The following YBX2 variants were observed in gnomAD, a reference collection of about 807,000 sequenced individuals.
YBX2 encodes the protein Y-box-binding protein 2.
A neutral mutation model predicts 44.4 loss-of-function variants in YBX2; 5 were observed. That is an observed-to-expected ratio of 0.11 (90% CI 0.06 to 0.24). YBX2 has a LOEUF of 0.24. Ranked by LOEUF, YBX2 falls within the 10% of genes least tolerant of loss-of-function variation. The pLI is 1.00. For missense variants in YBX2, 417 were observed against 526.9 expected, an observed-to-expected ratio of 0.79 and a Z score of 2.04; for synonymous variants, 188 against 216.1, an observed-to-expected ratio of 0.87 and a Z score of 1.14.
chr17:7,289,775 A>G (rs2072486189), intron 6 of YBX2, 50 bp from the exon 7 acceptor site: 1 of 1,608,448 alleles, frequency 6.2e-7, no homozygotes. Flanking sequence ...CTCCCTCCCC[A>G]GGGCTCACCC....
rs1597604035 is a variant in YBX2, at chr17:7,291,430, C to T, written c.370-248G>A. The T allele has an allele frequency of 5.5e-6, 3 of 546,944 alleles. No homozygotes were observed. The highest frequency in any genetic ancestry group is 1.9e-5 in the African/African-American group (1 of 52,640). 33.9% of individuals were successfully genotyped at this position (546,944 alleles called of 1,614,324 possible). A position where few individuals can be genotyped will look rare whatever the true frequency, so the allele number is the denominator to read the frequency against. The stretch of plus-strand genomic sequence containing the variant: ...ACCTCCCCTCCCGCCCCGCTTTACC[C>T]CTCAGGGATTTCAGAAAGGGAGGCA... On this transcript the variant is annotated intron_variant, in intron 3 of 8. Transcript: ENST00000007699. This position sits in a 1 kb window ranked among gnomAD's most constrained non-coding sequence, Gnocchi z 5.8.
rs1375338762 is a variant in YBX2, at chr17:7,290,500, T to G, written c.495A>C (p.Gly165=). The part of the protein sequence containing the change: ...AEATNVTGPG[G]VPVKGSRYAP... ...CATAACGGCTGCCCTTCACGGGTAC[T>G]CCCCCAGGCCCAGTTACATTAGTGG... Residue 165 remains glycine, a synonymous_variant, in exon 5 of 9, where the codon GGA becomes GGC. Transcript: ENST00000007699. 2 of 1,612,356 alleles carry G rather than the reference T, an allele frequency of 1.2e-6. No homozygotes were observed. Among genetic ancestry groups the G allele is most frequent in the Admixed American group, 1.7e-5 (1 of 59,906 alleles).
At chr17:7,293,597 C>T in intron 1 of YBX2, 59 bp from the exon 2 acceptor site, 2 of 1,613,098 alleles carry the variant, frequency 1.2e-6, no homozygotes, top group South Asian at 1.1e-5. Context: ...GAGTTGAACT[C>T]AGTTTTGAGA....
In YBX2 at chr17:7,294,260, C is replaced by T; in HGVS notation, c.241G>A (p.Ala81Thr). 1 of 1,273,570 alleles carries T rather than the reference C, an allele frequency of 7.9e-7. No individual in the cohort carries two copies. Among genetic ancestry groups the T allele is most frequent in the Middle Eastern group, 3.0e-4 (1 of 3,328 alleles). The allele number at this position is 1,273,570 out of a possible 1,614,324, so 78.9% of individuals were successfully genotyped here. Reference protein sequence around the residue: ...TAVSGTPAPPARSQADKPVLA... With the variant: ...TAVSGTPAPPTRSQADKPVLA... ...ACCGGCTTGTCCGCCTGACTCCGGG[C>T]CGGGGGGGCGGGGGTTCCCGAGACC... Residue 81 changes from alanine (A) to threonine (T), a missense_variant, in exon 1 of 9, where the codon GCC (alanine) becomes ACC (threonine). By Grantham distance (58) the Ala-to-Thr change is moderately conservative (BLOSUM62 0). This residue lies in a region of YBX2 where 121 missense variants were observed against 141.3 expected (regional missense o/e 0.86). Transcript: ENST00000007699. This position sits in a 1 kb window ranked among gnomAD's most constrained non-coding sequence, Gnocchi z 4.6.
rs3833134 is a variant in YBX2, at chr17:7,289,736, GA to G, written c.849-12del. The G allele has an allele frequency of 0.68, 1,101,413 of 1,612,702 alleles. 386,390 individuals carry two copies. The highest frequency in any genetic ancestry group is 0.73 in the Non-Finnish European group (859,916 of 1,179,596). On this transcript the variant is annotated splice_polypyrimidine_tract_variant and intron_variant, in intron 6 of 8. Transcript: ENST00000007699. ...CTGGGGCGGAAAGGCCTAAGGCAAG[GA>G]ACAAGGCTCTGAGGGGACCAGGGAA...
intron 1 of YBX2, chr17:7,293,867 T>C (rs540357201): frequency 7.6e-6 from 4 of 524,558 alleles, no homozygotes; most frequent in South Asian, 6.9e-5. Flanking sequence ...TAACTGAGGG[T>C]TTTTCTAGCC....
chr17:7,294,199 C>T lies in YBX2; in HGVS notation c.271+31G>A. On this transcript the variant is annotated intron_variant, in intron 1 of 8. Coordinates refer to ENST00000007699, the MANE Select transcript of YBX2 (RefSeq NM_015982.4). This position sits in a 1 kb window ranked among gnomAD's most constrained non-coding sequence, Gnocchi z 4.6. Reference sequence around the variant, plus strand: ...CCCCTCCCCCAGCCCGCCGACCCCTCAGAGCCGCCCTGTGCGCGCCTGCCC... The same window carrying T: ...CCCCTCCCCCAGCCCGCCGACCCCTTAGAGCCGCCCTGTGCGCGCCTGCCC... 7.9e-7 allele frequency: 1 copy of T among 1,258,218 alleles called. No individual in the cohort carries two copies. Among genetic ancestry groups the T allele is most frequent in the Non-Finnish European group, 9.9e-7 (1 of 1,005,952 alleles). The allele number at this position is 1,258,218 out of a possible 1,614,324, so 77.9% of individuals were successfully genotyped here.
chr17:7,293,813 G>C, intron 1 of YBX2: 1 of 608,796 alleles, frequency 1.6e-6, no homozygotes, highest in Admixed American at 3.1e-5. Context: ...CCTTCACCTA[G>C]AACTGGGTAC....
At chr17:7,289,079 C>A (rs1020173075) in intron 7 of YBX2, among the ~76,000 whole-genome samples, 1 of 152,144 alleles carries the variant, frequency 6.6e-6, no homozygotes. Flanking sequence ...TCAGGCTGGT[C>A]TTGAACTCCT....
At position 7,294,062 on chromosome 17, in the gene YBX2, G is replaced by C; in HGVS notation, c.271+168C>G. 2 of 789,582 alleles carry C rather than the reference G, an allele frequency of 2.5e-6. No homozygotes were observed. Among genetic ancestry groups the C allele is most frequent in the South Asian group, 1.1e-4 (2 of 18,184 alleles). The allele number at this position is 789,582 out of a possible 1,614,324, so 48.9% of individuals were successfully genotyped here. The stretch of plus-strand genomic sequence containing the variant: ...CCTCTCTCCCAGGAAGGTACGGCAG[G>C]ATTTCCCACCAGGGGAATCCACTTT... On this transcript the variant is annotated intron_variant, in intron 1 of 8. Coordinates refer to ENST00000007699, the MANE Select transcript of YBX2 (RefSeq NM_015982.4). This position sits in a 1 kb window ranked among gnomAD's most constrained non-coding sequence, Gnocchi z 4.6.
rs1379622761 is a variant in YBX2, at chr17:7,294,539, CG to C, written c.-40del. On this transcript the variant is annotated 5_prime_UTR_variant, in exon 1 of 9. Transcript: ENST00000007699. This position sits in a 1 kb window ranked among gnomAD's most constrained non-coding sequence, Gnocchi z 4.6. Reference sequence around the variant, plus strand: ...GTACCGGCCACAGCCGCCACCGCCCCGGCCCCTCCCCCCGGCTCGCGAACCC... The same window carrying C: ...GTACCGGCCACAGCCGCCACCGCCCCGCCCCTCCCCCCGGCTCGCGAACCC... 1.4e-6 allele frequency: 2 copies of C among 1,420,728 alleles called. No homozygotes were observed. The highest frequency in any genetic ancestry group is 5.1e-5 in the Admixed American group (2 of 39,240). 88.0% of individuals were successfully genotyped at this position (1,420,728 alleles called of 1,614,324 possible). A position where few individuals can be genotyped will look rare whatever the true frequency, so the allele number is the denominator to read the frequency against.
At chr17:7,290,093 G>A (rs774556964) in intron 5 of YBX2, 22 bp from the exon 6 acceptor site, 39 of 1,613,450 alleles carry the variant, frequency 2.4e-5, no homozygotes, top group Middle Eastern at 1.7e-4. Flanking sequence ...CAAAGGCCCC[G>A]GTGAGCTGTG....
chr17:7,290,530 T>G lies in YBX2; in HGVS notation c.465A>C (p.Ala155=). The stretch of plus-strand genomic sequence containing the variant: ...CAGGCCCAGTTACATTAGTGGCTTC[T>G]GCGCCCTGGGAAGGTGGTAAGGGAA... ...EFDVVEGEKG[A]EATNVTGPGG... The change falls in exon 5 of 9, where the codon GCA becomes GCC. Residue 155 remains alanine, a synonymous_variant. Transcript: ENST00000007699. The G allele has an allele frequency of 6.2e-7, 1 of 1,611,326 alleles. No homozygotes were observed. The highest frequency in any genetic ancestry group is 8.5e-7 in the Non-Finnish European group (1 of 1,178,274).
rs544871992 is a variant in YBX2, at chr17:7,291,883, G to T, written c.369+143C>A. ...GTAACCCAGCACAAGTGCGGCTAAT[G>T]GTGGTTGACACAGGCACCCAAGGCG... On this transcript the variant is annotated intron_variant, in intron 3 of 8. Transcript: ENST00000007699. This position sits in a 1 kb window ranked among gnomAD's most constrained non-coding sequence, Gnocchi z 5.8. 85 of 1,019,914 alleles carry T rather than the reference G, an allele frequency of 8.3e-5. No homozygotes were observed. Among genetic ancestry groups the T allele is most frequent in the Admixed American group, 4.0e-4 (22 of 54,602 alleles). 63.2% of individuals were successfully genotyped at this position (1,019,914 alleles called of 1,614,324 possible). A position where few individuals can be genotyped will look rare whatever the true frequency, so the allele number is the denominator to read the frequency against.
chr17:7,293,204 T>C (rs768604293), intron 2 of YBX2: 48 of 549,418 alleles, frequency 8.7e-5, no homozygotes, highest in Non-Finnish European at 1.4e-4. Context: ...ATGAAGCAAT[T>C]CCAGAAGGTG....
intron 2 of YBX2, 32 bp from the exon 3 acceptor site, chr17:7,292,091 A>G: frequency 6.2e-7 from 1 of 1,613,846 alleles, no homozygotes; most frequent in Non-Finnish European, 8.5e-7. Context: ...TAAGGAAGGG[A>G]CTTCAACAAA....
chr17:7,291,895 A>C lies in YBX2; in HGVS notation c.369+131T>G. The C allele has an allele frequency of 8.6e-7, 1 of 1,167,246 alleles. No homozygotes were observed. Among genetic ancestry groups the C allele is most frequent in the Non-Finnish European group, 1.3e-6 (1 of 783,908 alleles). The allele number at this position is 1,167,246 out of a possible 1,614,324, so 72.3% of individuals were successfully genotyped here. ...AAGTGCGGCTAATGGTGGTTGACAC[A>C]GGCACCCAAGGCGGATGGGCCGTTG... On this transcript the variant is annotated intron_variant, in intron 3 of 8. Coordinates refer to ENST00000007699, the MANE Select transcript of YBX2 (RefSeq NM_015982.4). This position sits in a 1 kb window ranked among gnomAD's most constrained non-coding sequence, Gnocchi z 5.8.
At position 7,288,852 on chromosome 17, in the gene YBX2, G is replaced by A; in HGVS notation, c.1045-14C>T. On this transcript the variant is annotated splice_polypyrimidine_tract_variant and intron_variant, in intron 7 of 8. Coordinates refer to ENST00000007699, the MANE Select transcript of YBX2 (RefSeq NM_015982.4). ...AGGGGCTGAGGTCTAAAGAACAGCG[G>A]TGGCCAATTGAGACTTGTTCTTTTT... The A allele has an allele frequency of 6.2e-7, 1 of 1,613,818 alleles. No individual in the cohort carries two copies. Among genetic ancestry groups the A allele is most frequent in the Admixed American group, 1.7e-5 (1 of 60,004 alleles).
chr17:7,292,205 G>A, intron 2 of YBX2, 146 bp from the exon 3 acceptor site: 4 of 920,034 alleles, frequency 4.3e-6, no homozygotes, highest in South Asian at 1.4e-5. Context: ...TGGGGAATGG[G>A]AGGGAGAGCC....
Sources: allele counts gnomAD v4.1 joint callset (sites outside exome capture counted in the v4.1 genomes callset), GRCh38; gene constraint gnomAD v4.1.1; regional missense constraint gnomAD v4.1.1; non-coding constraint Gnocchi (gnomAD v3.1); transcripts MANE v1.5; gene names NCBI Gene and HGNC (gene_info 2026-07-23, HGNC 2026-07-21).